The following NCKAP5 variants were observed in gnomAD, a reference collection of about 807,000 sequenced individuals.
The protein encoded by NCKAP5 is nck-associated protein 5.
In NCKAP5, 92 loss-of-function variants were observed where a neutral mutation model predicts 167.0. That is an observed-to-expected ratio of 0.55 (90% CI 0.47 to 0.66). The LOEUF (loss-of-function observed/expected upper bound fraction) is 0.66, where lower values mean the gene tolerates loss of function less well. NCKAP5 is among the 30% of genes least tolerant of loss of function. The pLI is 0.00. For missense variants in NCKAP5, 2,378 were observed against 2,315.0 expected, an observed-to-expected ratio of 1.03 and a Z score of -0.56; for synonymous variants, 891 against 877.4, an observed-to-expected ratio of 1.02 and a Z score of -0.27.
At chr2:133,577,349 C>T in the NCKAP5 span, among the ~76,000 whole-genome samples, 1 of 152,136 alleles carries the variant, frequency 6.6e-6, no homozygotes, top group Admixed American at 6.5e-5. Context: ...AGTACCTGGT[C>T]TGGCCTGGAA....
chr2:133,371,863 C>T (rs1210687959), intron 3 of NCKAP5, among the ~76,000 whole-genome samples: 1 of 152,100 alleles, frequency 6.6e-6, no homozygotes, highest in Non-Finnish European at 1.5e-5. Flanking sequence ...CATCCCAACC[C>T]TGTTTATTTT....
At chr2:133,087,527 C>G (rs1377223761) in intron 6 of NCKAP5, among the ~76,000 whole-genome samples, 1 of 152,144 alleles carries the variant, frequency 6.6e-6, no homozygotes, top group Non-Finnish European at 1.5e-5. Flanking sequence ...TCTTAATGAT[C>G]TAATTTGTAT....
At chr2:133,325,766 C>A (rs1277705509) in intron 3 of NCKAP5, among the ~76,000 whole-genome samples, 1 of 152,174 alleles carries the variant, frequency 6.6e-6, no homozygotes, top group Non-Finnish European at 1.5e-5. Context: ...GGGCACTGGA[C>A]CTAATCAGAA....
chr2:133,580,417 A>G, the NCKAP5 span, among the ~76,000 whole-genome samples: 82 of 152,270 alleles, frequency 5.4e-4, no homozygotes, highest in African/African-American at 1.9e-3. Context: ...ACCCCAGGCT[A>G]AGGTCATAGA....
chr2:133,294,337 T>C (rs907483220), intron 4 of NCKAP5, among the ~76,000 whole-genome samples: 9 of 152,180 alleles, frequency 5.9e-5, no homozygotes, highest in Admixed American at 3.9e-4. Flanking sequence ...GATAGAGGCA[T>C]GCTAATTCTT....
intron 6 of NCKAP5, among the ~76,000 whole-genome samples, chr2:133,056,808 A>G (rs757667612): frequency 6.6e-6 from 1 of 152,206 alleles, no homozygotes; most frequent in Non-Finnish European, 1.5e-5. Flanking sequence ...ATTTTTGTCA[A>G]TTACACTTAG....
chr2:132,897,534 CTTTAT>C (rs1693298388), intron 8 of NCKAP5, among the ~76,000 whole-genome samples: 1 of 152,102 alleles, frequency 6.6e-6, no homozygotes, highest in African/African-American at 2.4e-5. Flanking sequence ...TCAGATAGTT[CTTTAT>C]TTTGAGGGGT....
At chr2:132,906,760 T>C (rs1694039638) in intron 8 of NCKAP5, among the ~76,000 whole-genome samples, 1 of 152,182 alleles carries the variant, frequency 6.6e-6, no homozygotes, top group South Asian at 2.1e-4. Flanking sequence ...GTCAAACTCT[T>C]TATTACAGTT....
At chr2:133,423,270 G>T (rs1320942188) in intron 3 of NCKAP5, among the ~76,000 whole-genome samples, 1 of 152,130 alleles carries the variant, frequency 6.6e-6, no homozygotes, top group Non-Finnish European at 1.5e-5. Context: ...CCTGCTTCTT[G>T]GTTGTGGCTC....
At chr2:133,115,803 A>ATG (rs1370406932) in intron 6 of NCKAP5, among the ~76,000 whole-genome samples, 5 of 100,788 alleles carry the variant, frequency 5.0e-5, no homozygotes, top group Non-Finnish European at 9.5e-5. Flanking sequence ...ATATATATAT[A>ATG]TATATATATA....
chr2:133,308,789 A>G (rs1262756604), intron 3 of NCKAP5, among the ~76,000 whole-genome samples: 3 of 138,984 alleles, frequency 2.2e-5, no homozygotes, highest in Middle Eastern at 4.1e-3. Flanking sequence ...GCTCACTGCA[A>G]GCTCTCTGCT....
At chr2:133,335,008 T>C (rs1683118275) in intron 3 of NCKAP5, among the ~76,000 whole-genome samples, 1 of 152,220 alleles carries the variant, frequency 6.6e-6, no homozygotes, top group Non-Finnish European at 1.5e-5. Flanking sequence ...GACACACATT[T>C]GCTGAGTACT....
chr2:133,407,659 C>T (rs1688523648), intron 3 of NCKAP5, among the ~76,000 whole-genome samples: 1 of 152,190 alleles, frequency 6.6e-6, no homozygotes, highest in Non-Finnish European at 1.5e-5. Context: ...CTGTGTCTCC[C>T]TTGACTATCA....
chr2:132,973,553 C>CT (rs1246174518), intron 7 of NCKAP5, among the ~76,000 whole-genome samples: 2 of 152,128 alleles, frequency 1.3e-5, no homozygotes, highest in African/African-American at 4.8e-5. Context: ...CTTTGATCAT[C>CT]TGTAAAAACT....
intron 15 of NCKAP5, among the ~76,000 whole-genome samples, chr2:132,775,939 C>T (rs920904367): frequency 1.3e-5 from 2 of 152,136 alleles, no homozygotes; most frequent in Non-Finnish European, 2.9e-5. Flanking sequence ...GTTGGACTGT[C>T]AGTAAATCAT....
the NCKAP5 span, among the ~76,000 whole-genome samples, chr2:133,614,618 G>GAACAAA: frequency 6.6e-6 from 1 of 151,202 alleles, no homozygotes; most frequent in African/African-American, 2.4e-5. Context: ...AAAAAGAAAC[G>GAACAAA]AACAAAGCCT....
chr2:133,002,668 C>T (rs757041521), intron 6 of NCKAP5, among the ~76,000 whole-genome samples: 6 of 152,196 alleles, frequency 3.9e-5, no homozygotes, highest in African/African-American at 7.2e-5. Context: ...AGCCTTGACC[C>T]GTCCCTTGCC....
In NCKAP5 at chr2:132,997,659, G is replaced by A. The variant is rs557928160; in HGVS notation, c.342-3420C>T. On this transcript the variant is annotated intron_variant, in intron 6 of 19. Transcript: ENST00000409261. ...AGCCTCTTTCTACTTGACCTTATTGGTATTCAGGAAAATGGTTTTAAATGA... is the reference window on the plus strand; with the variant it reads ...AGCCTCTTTCTACTTGACCTTATTGATATTCAGGAAAATGGTTTTAAATGA... 1.5e-3 allele frequency among the ~76,000 whole-genome samples: 232 copies of A among 151,982 alleles called. 1 individual carries two copies. Among genetic ancestry groups the A allele is most frequent in the African/African-American group, 5.3e-3 (219 of 41,466 alleles).
intron 3 of NCKAP5, among the ~76,000 whole-genome samples, chr2:133,464,569 A>G (rs550979470): frequency 6.6e-6 from 1 of 152,308 alleles, no homozygotes; most frequent in East Asian, 1.9e-4. Context: ...CGGTGCCTGT[A>G]GTCCCAGCTA....
Sources: allele counts gnomAD v4.1 joint callset (sites outside exome capture counted in the v4.1 genomes callset), GRCh38; gene constraint gnomAD v4.1.1; transcripts MANE v1.5; gene names NCBI Gene and HGNC (gene_info 2026-07-23, HGNC 2026-07-21).